Variants in AP5M1 observed in about 807,000 individuals in gnomAD.
AP5M1 encodes AP-5 complex subunit mu-1.
In AP5M1, 44 loss-of-function variants were observed where a neutral mutation model predicts 52.3. The ratio of observed to expected loss-of-function variants is 0.84; its 90% CI spans 0.66 to 1.08. The LOEUF (loss-of-function observed/expected upper bound fraction) is 1.08, where lower values mean the gene tolerates loss of function less well. Ranked by LOEUF, AP5M1 falls within the 50% of genes least tolerant of loss-of-function variation. AP5M1 has a pLI of 0.00. For synonymous variants in AP5M1, 213 were observed against 199.0 expected (o/e 1.07, Z -0.59); for missense variants, 526 against 568.4 (o/e 0.93, Z 0.76).
Position 57,292,473 on chromosome 14 carries a change from G to A in AP5M1, c.*3589G>A, listed in dbSNP as rs1885457503. The A allele has an allele frequency of 1.3e-5, 2 of 151,838 alleles. No individual in the cohort carries two copies. The allele number at this position is 151,838 out of a possible 1,614,324, so 9.4% of individuals were successfully genotyped here. Reference sequence around the variant, plus strand: ...CAATTTATTTTCAGTATTTGAAGATGTAAAGTCCTGTCTGCTAAGTTAGAA... The same window carrying A: ...CAATTTATTTTCAGTATTTGAAGATATAAAGTCCTGTCTGCTAAGTTAGAA... On this transcript the variant is annotated 3_prime_UTR_variant, in exon 8 of 8. Transcript: ENST00000261558.
chr14:57,293,281 G>T lies in AP5M1; in HGVS notation c.*4397G>T, dbSNP rs1885479170. On this transcript the variant is annotated 3_prime_UTR_variant, in exon 8 of 8. Transcript: ENST00000261558. The stretch of plus-strand genomic sequence containing the variant: ...ATTTGTTACAAAATATGTTTTTAAA[G>T]ATTAGATTTTGATTAATGATTTAGT... The T allele has an allele frequency of 6.6e-6, 1 of 151,634 alleles. No homozygotes were observed. Among genetic ancestry groups the T allele is most frequent in the South Asian group, 2.1e-4 (1 of 4,828 alleles). The allele number at this position is 151,634 out of a possible 1,614,324, so 9.4% of individuals were successfully genotyped here.
intron 1 of AP5M1, chr14:57,270,991 C>G (rs1305284733): frequency 6.6e-6 from 1 of 152,186 alleles, no homozygotes; most frequent in Non-Finnish European, 1.5e-5. Context: ...TAGCCACTAG[C>G]CACAAGTACC....
intron 6 of AP5M1, among the ~76,000 whole-genome samples, chr14:57,284,755 A>G (rs1182135371): frequency 6.6e-6 from 1 of 152,212 alleles, no homozygotes; most frequent in Non-Finnish European, 1.5e-5. Flanking sequence ...TCATTCATTC[A>G]TTGTTTTATT....
intron 3 of AP5M1, among the ~76,000 whole-genome samples, 160 bp from the exon 4 acceptor site, chr14:57,281,929 A>G (rs1281405885): frequency 3.9e-5 from 6 of 152,354 alleles, no homozygotes; most frequent in South Asian, 2.1e-4. Flanking sequence ...CAAAGAGAGA[A>G]GAATCCCTAT....
Position 57,274,228 on chromosome 14 carries a change from T to C in AP5M1, c.75-16T>C. 1 of 1,557,338 alleles carries C rather than the reference T, an allele frequency of 6.4e-7. No individual in the cohort carries two copies. Among genetic ancestry groups the C allele is most frequent in the South Asian group, 1.2e-5 (1 of 81,452 alleles). On this transcript the variant is annotated splice_polypyrimidine_tract_variant and intron_variant, in intron 1 of 7. Transcript: ENST00000261558. ...TTGGAAGAATCATTTATAATGTTTC[T>C]GTTTCCGTAATGCAGACGGTATCCA...
rs907729988 is a variant in AP5M1, at chr14:57,292,878, G to T, written c.*3994G>T. Reference sequence around the variant, plus strand: ...CCACCTTAAGACTAATGATTTCGAAGCTTTGTTAACTATTTCTTTTCTTGA... The same window carrying T: ...CCACCTTAAGACTAATGATTTCGAATCTTTGTTAACTATTTCTTTTCTTGA... On this transcript the variant is annotated 3_prime_UTR_variant, in exon 8 of 8. Transcript: ENST00000261558. 6.6e-6 allele frequency: 1 copy of T among 151,598 alleles called. No individual in the cohort carries two copies. Among genetic ancestry groups the T allele is most frequent in the Non-Finnish European group, 1.5e-5 (1 of 67,754 alleles). 9.4% of individuals were successfully genotyped at this position (151,598 alleles called of 1,614,324 possible).
At chr14:57,269,458 C>A in intron 1 of AP5M1, 70 bp downstream of exon 1, 1 of 1,527,788 alleles carries the variant, frequency 6.5e-7, no homozygotes, top group Non-Finnish European at 9.1e-7. Flanking sequence ...TTTTGTGGTG[C>A]TTCGTGGCCC....
chr14:57,296,104 CTTTACCTTTCTAAAATGAACAA>C lies in AP5M1; in HGVS notation c.*7225_*7246del, dbSNP rs1308688247. Reference sequence around the variant, plus strand: ...TTAAAAATTTAGAAGGAATTTTAGCCTTTACCTTTCTAAAATGAACAATTTAAATCACTCTTACACTTTAGAA... The same window carrying C: ...TTAAAAATTTAGAAGGAATTTTAGCCTTTAAATCACTCTTACACTTTAGAA... On this transcript the variant is annotated 3_prime_UTR_variant, in exon 8 of 8. Transcript: ENST00000261558. 2.0e-5 allele frequency: 3 copies of C among 151,914 alleles called. No homozygotes were observed. Among genetic ancestry groups the C allele is most frequent in the Non-Finnish European group, 1.5e-5 (1 of 67,896 alleles). 9.4% of individuals were successfully genotyped at this position (151,914 alleles called of 1,614,324 possible). A position where few individuals can be genotyped will look rare whatever the true frequency, so the allele number is the denominator to read the frequency against.
rs1035440962 is a variant in AP5M1, at chr14:57,282,081, C to A, written c.949-8C>A. Reference sequence around the variant, plus strand: ...GAGAATTATATAGACATTTATGTTTCTTTTTAGGTCCCTGTCCCACCAATT... The same window carrying A: ...GAGAATTATATAGACATTTATGTTTATTTTTAGGTCCCTGTCCCACCAATT... On this transcript the variant is annotated splice_polypyrimidine_tract_variant and splice_region_variant and intron_variant, in intron 3 of 7. Transcript: ENST00000261558. 2 of 1,560,706 alleles carry A rather than the reference C, an allele frequency of 1.3e-6. No individual in the cohort carries two copies. Among genetic ancestry groups the A allele is most frequent in the Non-Finnish European group, 8.6e-7 (1 of 1,161,386 alleles).
intron 1 of AP5M1, among the ~76,000 whole-genome samples, chr14:57,273,502 G>A (rs777650899): frequency 5.3e-5 from 8 of 152,304 alleles, no homozygotes; most frequent in South Asian, 2.1e-4. Context: ...TTTTGGAATT[G>A]AGAAACTGTG....
At chr14:57,279,227 C>T (rs1223792607) in intron 2 of AP5M1, among the ~76,000 whole-genome samples, 5 of 152,144 alleles carry the variant, frequency 3.3e-5, no homozygotes, top group Non-Finnish European at 5.9e-5. Context: ...GATACATACA[C>T]ACGTATGTTC....
intron 6 of AP5M1, among the ~76,000 whole-genome samples, chr14:57,283,810 A>AC (rs774160316): frequency 5.9e-5 from 9 of 151,848 alleles, no homozygotes; most frequent in Non-Finnish European, 1.2e-4. Flanking sequence ...ACATGGTGAG[A>AC]CCCCGCCTCT....
rs759247283 is a variant in AP5M1 at position 57,274,974 on chromosome 14, A to AT, written c.720+91dup. ...ATTTGCTAGTTGTATTTTAAATAAC[A>AT]TTTTTTATTTTCATCTTAAGCAGCA... On this transcript the variant is annotated intron_variant, in intron 2 of 7. Coordinates refer to ENST00000261558, the MANE Select transcript of AP5M1 (RefSeq NM_018229.4). 4 of 1,481,856 alleles carry AT rather than the reference A, an allele frequency of 2.7e-6. No homozygotes were observed. The East Asian group carries it at 6.8e-5, about 25-fold the overall frequency. 91.8% of individuals were successfully genotyped at this position (1,481,856 alleles called of 1,614,324 possible). A position where few individuals can be genotyped will look rare whatever the true frequency, so the allele number is the denominator to read the frequency against.
At chr14:57,271,242 T>C (rs1310611312) in intron 1 of AP5M1, 1 of 152,290 alleles carries the variant, frequency 6.6e-6, no homozygotes, top group Non-Finnish European at 1.5e-5. Flanking sequence ...CAAAGAACAC[T>C]GCCAAAGTAT....
chr14:57,292,488 CT>C lies in AP5M1; in HGVS notation c.*3605del, dbSNP rs1443693914. 2.0e-5 allele frequency: 3 copies of C among 151,776 alleles called. No homozygotes were observed. Among genetic ancestry groups the C allele is most frequent in the Non-Finnish European group, 4.4e-5 (3 of 67,812 alleles). The allele number at this position is 151,776 out of a possible 1,614,324, so 9.4% of individuals were successfully genotyped here. A position where few individuals can be genotyped will look rare whatever the true frequency, so the allele number is the denominator to read the frequency against. Reference sequence around the variant, plus strand: ...ATTTGAAGATGTAAAGTCCTGTCTGCTAAGTTAGAAAGTCAATTGAATACCA... The same window carrying C: ...ATTTGAAGATGTAAAGTCCTGTCTGCAAGTTAGAAAGTCAATTGAATACCA... On this transcript the variant is annotated 3_prime_UTR_variant, in exon 8 of 8. Transcript: ENST00000261558.
chr14:57,282,858 T>G, intron 4 of AP5M1, 76 bp from the exon 5 acceptor site: 1 of 932,856 alleles, frequency 1.1e-6, no homozygotes, highest in East Asian at 2.5e-5. Flanking sequence ...TAAGTAACAG[T>G]GGCCAAGTTT....
chr14:57,275,762 A>G (rs1018201065), intron 2 of AP5M1, among the ~76,000 whole-genome samples: 2 of 152,228 alleles, frequency 1.3e-5, no homozygotes, highest in Non-Finnish European at 2.9e-5. Context: ...TCGTTAGGTT[A>G]ATATTGGGTT....
chr14:57,273,264 TA>T (rs1430717928), intron 1 of AP5M1, among the ~76,000 whole-genome samples: 1 of 152,242 alleles, frequency 6.6e-6, no homozygotes, highest in African/African-American at 2.4e-5. Flanking sequence ...TTCTTACTTA[TA>T]TTTTTTTAAA....
At chr14:57,286,342 A>T (rs758550868) in intron 7 of AP5M1, 23 bp downstream of exon 7, 2 of 1,422,010 alleles carry the variant, frequency 1.4e-6, no homozygotes, top group Non-Finnish European at 2.0e-6. Flanking sequence ...GATTCAAACT[A>T]ACTTAAGGGA....
Sources: gnomAD v4.1 joint callset for allele counts (sites outside exome capture counted in the v4.1 genomes callset) on GRCh38, gnomAD v4.1.1 for gene constraint, MANE v1.5 for transcripts, NCBI Gene and HGNC (gene_info 2026-07-23, HGNC 2026-07-21) for gene names.